The following COL6A5 variants were observed in gnomAD, a reference collection of about 807,000 sequenced individuals.
The protein encoded by COL6A5 is collagen type VI alpha 5 chain, also known as collagen alpha-5(VI) chain.
COL6A5 carries 48 observed loss-of-function variants against 65.6 expected under a neutral mutation model. That is an observed-to-expected ratio of 0.73 (90% CI 0.58 to 0.93). COL6A5 has a LOEUF of 0.93. COL6A5 is among the 40% of genes least tolerant of loss of function. The pLI is 0.00. For synonymous variants in COL6A5, 291 were observed against 322.8 expected (o/e 0.90, Z 1.05); for missense variants, 914 against 928.3 (o/e 0.98, Z 0.20).
At chr3:130,422,667 T>C in intron 27 of COL6A5, 53 bp from the exon 28 acceptor site, 1 of 1,189,848 alleles carries the variant, frequency 8.4e-7, no homozygotes. Context: ...TTTTTTTTAA[T>C]TCTTTCATAG....
chr3:130,480,248 T>A (rs1710201427), intron 7 of COL6A5, among the ~76,000 whole-genome samples: 1 of 152,038 alleles, frequency 6.6e-6, no homozygotes, highest in Non-Finnish European at 1.5e-5. Flanking sequence ...CTTTTTGTCT[T>A]AATAGAATTA....
upstream of COL6A5, chr3:130,431,307 A>T: frequency 1.2e-6 from 1 of 834,412 alleles, no homozygotes; most frequent in East Asian, 2.7e-5. Context: ...TGCAGGCCAG[A>T]TTTCTTTCCT....
At chr3:130,455,150 C>CAAAAA (rs62929660) in intron 4 of COL6A5, among the ~76,000 whole-genome samples, 1 of 130,204 alleles carries the variant, frequency 7.7e-6, no homozygotes. Context: ...GACCCTGTCT[C>CAAAAA]AAAAAAAAAA....
intron 1 of COL6A5, among the ~76,000 whole-genome samples, chr3:130,361,639 G>C (rs1292178675): frequency 6.6e-6 from 1 of 152,072 alleles, no homozygotes; most frequent in Non-Finnish European, 1.5e-5. Context: ...AGTTTTGTAA[G>C]AAACTATTGA....
At chr3:130,401,952 C>A in intron 12 of COL6A5, 98 bp downstream of exon 12, 3 of 855,010 alleles carry the variant, frequency 3.5e-6, no homozygotes, top group South Asian at 3.3e-5. Flanking sequence ...TCACTCTATG[C>A]TAATGGAATT....
intron 23 of COL6A5, among the ~76,000 whole-genome samples, 195 bp from the exon 24 acceptor site, chr3:130,416,562 C>G (rs1183026963): frequency 6.6e-6 from 1 of 152,086 alleles, no homozygotes; most frequent in Non-Finnish European, 1.5e-5. Flanking sequence ...ACATGTGGTC[C>G]TCTAACTAGG....
At chr3:130,428,027 A>G (rs576301053), upstream of COL6A5, among the ~76,000 whole-genome samples, 1 of 152,276 alleles carries the variant, frequency 6.6e-6, no homozygotes, top group East Asian at 1.9e-4. Context: ...CAGTGAAATC[A>G]AATTATGTCT....
chr3:130,402,141 A>T (rs891274047), intron 12 of COL6A5, among the ~76,000 whole-genome samples: 1 of 152,192 alleles, frequency 6.6e-6, no homozygotes, highest in African/African-American at 2.4e-5. Context: ...GGTAAGAAGT[A>T]AAAAATAGTG....
chr3:130,395,542 C>T (rs149397204), intron 8 of COL6A5, 77 bp downstream of exon 8: 1 of 1,051,368 alleles, frequency 9.5e-7, no homozygotes, highest in East Asian at 2.6e-5. Context: ...TATGGGCTAG[C>T]TCTAGCAGAG....
chr3:130,381,039 G>A (rs1033620455), intron 4 of COL6A5, among the ~76,000 whole-genome samples: 2 of 152,044 alleles, frequency 1.3e-5, no homozygotes, highest in African/African-American at 2.4e-5. Context: ...AAGAAAAAGG[G>A]CCAGGCCTCT....
intron 1 of COL6A5, among the ~76,000 whole-genome samples, chr3:130,432,465 C>T (rs946251518): frequency 2.6e-5 from 4 of 151,148 alleles, no homozygotes; most frequent in Non-Finnish European, 5.9e-5. Flanking sequence ...ACAGGAGGCT[C>T]ACTTGAACCA....
chr3:130,440,617 A>C (rs1488790802), exon 3 of COL6A5: 3 of 1,613,418 alleles, frequency 1.9e-6, no homozygotes, highest in Non-Finnish European at 2.5e-6. Context: ...ATTATGAGAG[A>C]AAAGAATTTG....
chr3:130,380,950 C>T (rs1935974155), intron 4 of COL6A5, among the ~76,000 whole-genome samples: 1 of 152,066 alleles, frequency 6.6e-6, no homozygotes, highest in Non-Finnish European at 1.5e-5. Context: ...TGTTCGTGGT[C>T]TTAATTCCTA....
At position 130,354,915 on chromosome 3, in the gene COL6A5, T is replaced by C. The variant is rs535956415; in HGVS notation, c.-29+8934T>C. On this transcript the variant is annotated intron_variant and NMD_transcript_variant, in intron 1 of 41. Transcript: ENST00000312481. ...GTTGAGATGTGCCATAGAAGTAAAATACACAGCAGATTTTGAGGACTTAGT... is the reference window on the plus strand; with the variant it reads ...GTTGAGATGTGCCATAGAAGTAAAACACACAGCAGATTTTGAGGACTTAGT... 1.1e-3 allele frequency among the ~76,000 whole-genome samples: 173 copies of C among 152,322 alleles called. 1 individual carries two copies. Among genetic ancestry groups the C allele is most frequent in the Non-Finnish European group, 1.8e-3 (120 of 68,018 alleles).
intron 1 of COL6A5, among the ~76,000 whole-genome samples, chr3:130,362,196 G>T (rs1935132610): frequency 6.7e-6 from 1 of 148,978 alleles, no homozygotes; most frequent in Non-Finnish European, 1.5e-5. Flanking sequence ...TTTGCATTTT[G>T]CATTTAGGTC....
chr3:130,462,547 A>G (rs896688566), intron 5 of COL6A5, among the ~76,000 whole-genome samples: 6 of 152,092 alleles, frequency 3.9e-5, no homozygotes, highest in Non-Finnish European at 8.8e-5. Context: ...TGCAAACTTT[A>G]ATTTTCTCAA....
chr3:130,471,953 G>T, intron 7 of COL6A5, 27 bp downstream of exon 40: 1 of 1,527,868 alleles, frequency 6.5e-7, no homozygotes, highest in South Asian at 1.2e-5. Context: ...TAGAGCTGAA[G>T]ACCCTCAAGT....
intron 17 of COL6A5, among the ~76,000 whole-genome samples, chr3:130,409,014 G>A (rs908323870): frequency 2.0e-5 from 3 of 152,102 alleles, no homozygotes; most frequent in Non-Finnish European, 4.4e-5. Context: ...GTGCTTAATA[G>A]CCACATATGG....
intron 7 of COL6A5, among the ~76,000 whole-genome samples, chr3:130,476,501 AT>A (rs200069300): frequency 0.032 from 4,834 of 152,132 alleles, 112 homozygotes; most frequent in South Asian, 0.097. Context: ...TCACCTAGTT[AT>A]TTTTTTGAAA....
Sources: gnomAD v4.1 joint callset for allele counts (sites outside exome capture counted in the v4.1 genomes callset) on GRCh38, gnomAD v4.1.1 for gene constraint, MANE v1.5 for transcripts, NCBI Gene and HGNC (gene_info 2026-07-23, HGNC 2026-07-21) for gene names.